The following TRPS1 variants were observed in gnomAD, a reference collection of about 807,000 sequenced individuals.
TRPS1 encodes the protein transcriptional repressor GATA binding 1, also known as zinc finger transcription factor Trps1.
A neutral mutation model predicts 101.2 loss-of-function variants in TRPS1; 6 were observed. That is an observed-to-expected ratio of 0.06 (90% CI 0.03 to 0.12). TRPS1 has a LOEUF of 0.12. Ranked by LOEUF, TRPS1 falls within the 10% of genes least tolerant of loss-of-function variation. The pLI, the probability that TRPS1 is intolerant of heterozygous loss-of-function variation, is 1.00. For synonymous variants in TRPS1, 578 were observed against 589.8 expected (o/e 0.98, Z 0.29); for missense variants, 1,363 against 1,567.0 (o/e 0.87, Z 2.20).
At chr8:115,538,876 T>C (rs1816385115) in intron 5 of TRPS1, among the ~76,000 whole-genome samples, 1 of 152,192 alleles carries the variant, frequency 6.6e-6, no homozygotes, top group Admixed American at 6.6e-5. Context: ...TTGAACTCAG[T>C]TCTTCTAAAT....
At chr8:115,448,503 T>C (rs1813791817) in intron 5 of TRPS1, among the ~76,000 whole-genome samples, 1 of 152,160 alleles carries the variant, frequency 6.6e-6, no homozygotes. Context: ...AAAAGAGCTC[T>C]CTTTCCGGCT....
At chr8:115,420,842 C>G (rs1813034470) in intron 5 of TRPS1, among the ~76,000 whole-genome samples, 1 of 152,096 alleles carries the variant, frequency 6.6e-6, no homozygotes, top group Admixed American at 6.5e-5. Flanking sequence ...GTCAGTAGAG[C>G]TTGGAGGTTA....
chr8:115,602,650 C>T (rs1817935136), intron 4 of TRPS1, among the ~76,000 whole-genome samples: 1 of 152,170 alleles, frequency 6.6e-6, no homozygotes, highest in African/African-American at 2.4e-5. Context: ...AACATACACA[C>T]ACTTGCACTA....
chr8:115,459,331 A>AATAATAATC (rs1463346645), intron 5 of TRPS1, among the ~76,000 whole-genome samples: 6 of 151,754 alleles, frequency 4.0e-5, no homozygotes, highest in Non-Finnish European at 5.9e-5. Flanking sequence ...CTCAAATAAT[A>AATAATAATC]ATAATAATAA....
intron 5 of TRPS1, among the ~76,000 whole-genome samples, chr8:115,430,230 T>C (rs1041631172): frequency 4.6e-5 from 7 of 152,180 alleles, no homozygotes; most frequent in Non-Finnish European, 1.0e-4. Context: ...AATCACAAAA[T>C]AGTCCTACTT....
intron 5 of TRPS1, among the ~76,000 whole-genome samples, chr8:115,546,200 A>C (rs1172188462): frequency 6.6e-6 from 1 of 151,760 alleles, no homozygotes; most frequent in Non-Finnish European, 1.5e-5. Flanking sequence ...TATAATATGT[A>C]AAAATTAAAT....
At chr8:115,556,028 AT>A (rs1222566881) in intron 5 of TRPS1, among the ~76,000 whole-genome samples, 2 of 152,154 alleles carry the variant, frequency 1.3e-5, no homozygotes, top group Non-Finnish European at 2.9e-5. Context: ...CTGAAAAAAA[AT>A]AAAATAAAAT....
intron 5 of TRPS1, among the ~76,000 whole-genome samples, chr8:115,425,941 A>G (rs768592568): frequency 4.6e-5 from 7 of 152,240 alleles, no homozygotes; most frequent in Non-Finnish European, 1.0e-4. Context: ...TTCTGTAATA[A>G]TGTTCTGCCT....
chr8:115,523,526 T>C (rs13266941), intron 5 of TRPS1, among the ~76,000 whole-genome samples: 103,669 of 152,016 alleles, frequency 0.68, 36,958 homozygotes, highest in African/African-American at 0.89. Context: ...AGCGAGGCTC[T>C]GTCTCAAAAA....
At chr8:115,540,047 T>C (rs1359128725) in intron 5 of TRPS1, among the ~76,000 whole-genome samples, 2 of 152,230 alleles carry the variant, frequency 1.3e-5, no homozygotes, top group Non-Finnish European at 2.9e-5. Context: ...ACACCACCTC[T>C]TGACCGCAAT....
At chr8:115,607,374 G>C (rs1430619733) in intron 3 of TRPS1, among the ~76,000 whole-genome samples, 1 of 150,756 alleles carries the variant, frequency 6.6e-6, no homozygotes, top group Non-Finnish European at 1.5e-5. Context: ...GATTAACTAA[G>C]CTATAAAAAA....
At chr8:115,551,216 G>A (rs916725305) in intron 5 of TRPS1, among the ~76,000 whole-genome samples, 1 of 152,164 alleles carries the variant, frequency 6.6e-6, no homozygotes, top group South Asian at 2.1e-4. Flanking sequence ...TAGGATATTT[G>A]TATATCCCAT....
At chr8:115,440,251 A>G (rs1813558068) in intron 5 of TRPS1, among the ~76,000 whole-genome samples, 1 of 152,268 alleles carries the variant, frequency 6.6e-6, no homozygotes, top group African/African-American at 2.4e-5. Flanking sequence ...AGGTATTGCC[A>G]CATCATTCGG....
intron 1 of TRPS1, among the ~76,000 whole-genome samples, chr8:115,645,348 T>C (rs1383608985): frequency 6.6e-6 from 1 of 152,190 alleles, no homozygotes; most frequent in Admixed American, 6.5e-5. Flanking sequence ...TTTATTATTC[T>C]CCTGCCGAAA....
At position 115,619,865 on chromosome 8, in the gene TRPS1, T is replaced by C; in HGVS notation, c.233A>G (p.Gln78Arg). ...NHKEEHSLHV[Q>R]DPSSSSKKDL... ...CTTCTTACTGCTAGAAGATGGATCT[T>C]GAACATGCAAGCTATGTTCCTCCTT... Residue 78 changes from glutamine to arginine, a missense_variant, in exon 3 of 7, where the codon CAA (glutamine) becomes CGA (arginine). By Grantham distance (43) the Gln-to-Arg change is conservative. This residue lies in a region of TRPS1 where 1,020 missense variants were observed against 1,073.0 expected (regional missense o/e 0.95). Coordinates refer to ENST00000395715, the MANE Select transcript of TRPS1 (RefSeq NM_014112.5). The C allele has an allele frequency of 6.2e-7, 1 of 1,614,226 alleles. No individual in the cohort carries two copies. The highest frequency in any genetic ancestry group is 8.5e-7 in the Non-Finnish European group (1 of 1,180,040).
chr8:115,638,978 T>C (rs937355407), intron 1 of TRPS1, among the ~76,000 whole-genome samples: 1 of 152,224 alleles, frequency 6.6e-6, no homozygotes. Flanking sequence ...AAGTGGCCAC[T>C]CTATATATAC....
intron 4 of TRPS1, among the ~76,000 whole-genome samples, chr8:115,595,396 G>C (rs1222503558): frequency 6.6e-6 from 1 of 151,896 alleles, no homozygotes; most frequent in Non-Finnish European, 1.5e-5. Context: ...CTGTAAACTA[G>C]TTAAAAGAGG....
At chr8:115,422,733 T>C (rs1002239696) in intron 5 of TRPS1, among the ~76,000 whole-genome samples, 11 of 152,234 alleles carry the variant, frequency 7.2e-5, no homozygotes, top group African/African-American at 2.2e-4. Flanking sequence ...CTCTCTTTTA[T>C]CTTTAACATT....
chr8:115,639,931 T>G (rs1199466861), intron 1 of TRPS1, among the ~76,000 whole-genome samples: 1 of 152,204 alleles, frequency 6.6e-6, no homozygotes, highest in African/African-American at 2.4e-5. Context: ...GACTAATGTC[T>G]CTTGTGACAA....
Sources: allele counts gnomAD v4.1 joint callset (sites outside exome capture counted in the v4.1 genomes callset), GRCh38; gene constraint gnomAD v4.1.1; regional missense constraint gnomAD v4.1.1; transcripts MANE v1.5; gene names NCBI Gene and HGNC (gene_info 2026-07-23, HGNC 2026-07-21).